The following SORCS3 variants were observed in gnomAD, a reference collection of about 807,000 sequenced individuals.
The protein encoded by SORCS3 is sortilin related VPS10 domain containing receptor 3.
A neutral mutation model predicts 146.3 loss-of-function variants in SORCS3; 57 were observed. The ratio of observed to expected loss-of-function variants is 0.39; its 90% CI spans 0.31 to 0.49. SORCS3 has a LOEUF of 0.49. SORCS3 is among the 20% of genes least tolerant of loss of function. The pLI, the probability that SORCS3 is intolerant of heterozygous loss-of-function variation, is 0.92. For synonymous variants in SORCS3, 653 were observed against 618.5 expected (o/e 1.06, Z -0.83); for missense variants, 1,341 against 1,575.5 (o/e 0.85, Z 2.52).
chr10:105,125,149 T>C (rs148100744), intron 7 of SORCS3, among the ~76,000 whole-genome samples: 1 of 152,352 alleles, frequency 6.6e-6, no homozygotes, highest in East Asian at 1.9e-4. Flanking sequence ...GTTGATTGAA[T>C]GTAGCTATCC....
At chr10:104,824,846 C>T (rs1401308146) in intron 1 of SORCS3, among the ~76,000 whole-genome samples, 1 of 152,190 alleles carries the variant, frequency 6.6e-6, no homozygotes, top group Admixed American at 6.5e-5. Context: ...AGAGGGAGCA[C>T]TGCCCCTGAC....
intron 14 of SORCS3, among the ~76,000 whole-genome samples, chr10:105,185,148 T>G (rs1433872282): frequency 1.3e-5 from 2 of 152,214 alleles, no homozygotes; most frequent in African/African-American, 4.8e-5. Context: ...ATTCAGCTTT[T>G]GTTAAAAAAA....
intron 1 of SORCS3, among the ~76,000 whole-genome samples, chr10:104,786,304 C>G (rs1266758011): frequency 6.6e-6 from 1 of 150,494 alleles, no homozygotes; most frequent in African/African-American, 2.4e-5. Flanking sequence ...GTAATCCTAG[C>G]ACTTTGGGAG....
At position 104,988,212 on chromosome 10, in the gene SORCS3, C is replaced by G. The variant is rs994461763; in HGVS notation, c.954+10719C>G. ...TGGCTGAGGTACAGCCACCACACCCCACTCTTCCTGGTTGATAGGTGGGCT... is the reference window on the plus strand; with the variant it reads ...TGGCTGAGGTACAGCCACCACACCCGACTCTTCCTGGTTGATAGGTGGGCT... On this transcript the variant is annotated intron_variant, in intron 4 of 26. Coordinates refer to ENST00000369701, the MANE Select transcript of SORCS3 (RefSeq NM_014978.3). Among the ~76,000 whole-genome samples, 28 of 152,174 alleles carry G rather than the reference C, an allele frequency of 1.8e-4. 1 individual carries two copies. Among genetic ancestry groups the G allele is most frequent in the Admixed American group, 1.5e-3 (23 of 15,266 alleles).
intron 15 of SORCS3, among the ~76,000 whole-genome samples, chr10:105,200,619 C>A (rs1294472407): frequency 6.6e-6 from 1 of 152,132 alleles, no homozygotes; most frequent in African/African-American, 2.4e-5. Flanking sequence ...CCACTGGGTC[C>A]TTGTAATTTG....
chr10:104,763,439 T>G (rs2017144541), intron 1 of SORCS3, among the ~76,000 whole-genome samples: 1 of 152,212 alleles, frequency 6.6e-6, no homozygotes, highest in Non-Finnish European at 1.5e-5. Context: ...ATCATGTGGC[T>G]TACAAATAGT....
intron 3 of SORCS3, among the ~76,000 whole-genome samples, chr10:104,950,886 TCTAA>T (rs1207832603): frequency 3.3e-5 from 5 of 152,230 alleles, no homozygotes; most frequent in Admixed American, 3.3e-4. Context: ...CTCAGTACTC[TCTAA>T]CTAAGAGGCT....
At chr10:105,128,716 C>T (rs140394325) in intron 7 of SORCS3, among the ~76,000 whole-genome samples, 191 of 152,178 alleles carry the variant, frequency 1.3e-3, no homozygotes, top group African/African-American at 4.5e-3. Context: ...CAGTGCCCCA[C>T]GCAATCATTA....
At chr10:104,734,098 G>A (rs1427902693) in intron 1 of SORCS3, among the ~76,000 whole-genome samples, 1 of 152,192 alleles carries the variant, frequency 6.6e-6, no homozygotes, top group Non-Finnish European at 1.5e-5. Context: ...GTGAGTAGAT[G>A]TATGTTGGGT....
chr10:105,104,386 A>C (rs999466547), intron 6 of SORCS3, among the ~76,000 whole-genome samples: 1 of 152,144 alleles, frequency 6.6e-6, no homozygotes, highest in African/African-American at 2.4e-5. Flanking sequence ...GAGCAAAAAA[A>C]CCGAATGGAT....
rs1264334940 is a variant in SORCS3, at chr10:104,641,865, G to T, written c.538G>T (p.Asp180Tyr). 6.3e-7 allele frequency: 1 copy of T among 1,581,654 alleles called. No individual in the cohort carries two copies. The highest frequency in any genetic ancestry group is 8.6e-7 in the Non-Finnish European group (1 of 1,167,848). ...GCGGGCTGGGGGGTCGGCGGCTGAA[G>T]ACCTCCGGCTGCCCAGCACCTCCTT... ...APRAGGSAAE[D>Y]LRLPSTSFAL... The change falls in exon 1 of 27, where the codon GAC becomes TAC. Residue 180 changes from aspartate (D) to tyrosine (Y), a missense_variant. By Grantham distance (160) the Asp-to-Tyr change is radical. Transcript: ENST00000369701. This position sits in a 1 kb window ranked among gnomAD's most constrained non-coding sequence, Gnocchi z 6.4.
intron 4 of SORCS3, among the ~76,000 whole-genome samples, chr10:105,034,104 G>A (rs2055289144): frequency 6.6e-6 from 1 of 152,084 alleles, no homozygotes. Flanking sequence ...ACAAATACAT[G>A]TTTTCATGCT....
chr10:104,730,093 TTCTAAGA>T (rs2016688855), intron 1 of SORCS3, among the ~76,000 whole-genome samples: 1 of 152,222 alleles, frequency 6.6e-6, no homozygotes, highest in African/African-American at 2.4e-5. Flanking sequence ...ATGAACAAGA[TTCTAAGA>T]GTCAAAATTC....
chr10:104,744,753 A>G (rs1042551676), intron 1 of SORCS3, among the ~76,000 whole-genome samples: 2 of 152,236 alleles, frequency 1.3e-5, no homozygotes, highest in Admixed American at 6.5e-5. Context: ...AGTAAAGGAC[A>G]TGCTGAATCT....
chr10:104,655,155 A>G (rs1589448203), intron 1 of SORCS3, among the ~76,000 whole-genome samples: 1 of 151,768 alleles, frequency 6.6e-6, no homozygotes. Context: ...TGGGAGGCTG[A>G]GGCAGGAGAA....
chr10:105,053,248 G>C (rs1564743310), intron 5 of SORCS3, among the ~76,000 whole-genome samples: 2 of 150,950 alleles, frequency 1.3e-5, no homozygotes. Context: ...TTTTTTTTTT[G>C]GAGAGATACA....
At chr10:104,769,446 A>G (rs2017222028) in intron 1 of SORCS3, among the ~76,000 whole-genome samples, 1 of 152,182 alleles carries the variant, frequency 6.6e-6, no homozygotes, top group Non-Finnish European at 1.5e-5. Flanking sequence ...TACTCCTTGA[A>G]TGGAGGCTGG....
At chr10:104,652,865 A>T (rs2015580136) in intron 1 of SORCS3, among the ~76,000 whole-genome samples, 1 of 152,220 alleles carries the variant, frequency 6.6e-6, no homozygotes, top group South Asian at 2.1e-4. Flanking sequence ...AATCTATGTG[A>T]TGCAGACTGG....
At chr10:105,157,010 A>C in intron 9 of SORCS3, 128 bp from the exon 10 acceptor site, 1 of 1,076,420 alleles carries the variant, frequency 9.3e-7, no homozygotes, top group Non-Finnish European at 1.4e-6. Context: ...GTTTCCTATC[A>C]TGTTCCTTCT....
Sources: gnomAD v4.1 joint callset for allele counts (sites outside exome capture counted in the v4.1 genomes callset) on GRCh38, gnomAD v4.1.1 for gene constraint, Gnocchi (gnomAD v3.1) non-coding constraint, MANE v1.5 for transcripts, NCBI Gene and HGNC (gene_info 2026-07-23, HGNC 2026-07-21) for gene names.